Variants in SNCAIP observed in about 807,000 individuals in gnomAD.
SNCAIP encodes the protein synuclein alpha interacting protein, also known as synphilin-1.
In SNCAIP, 43 loss-of-function variants were observed where a neutral mutation model predicts 86.7. The ratio of observed to expected loss-of-function variants is 0.50; its 90% CI spans 0.39 to 0.64. The LOEUF (loss-of-function observed/expected upper bound fraction) is 0.64. SNCAIP is among the 30% of genes least tolerant of loss of function. The probability of loss-of-function intolerance (pLI) is 0.00; values close to 1 mark genes in which losing one functional copy is unlikely to be tolerated. For synonymous variants in SNCAIP, 417 were observed against 427.2 expected, an observed-to-expected ratio of 0.98 and a Z score of 0.29; for missense variants, 981 against 1,103.1, an observed-to-expected ratio of 0.89 and a Z score of 1.57.
intron 1 of SNCAIP, among the ~76,000 whole-genome samples, chr5:122,340,533 A>G (rs565105874): frequency 6.6e-5 from 10 of 152,334 alleles, no homozygotes; most frequent in African/African-American, 2.4e-4. Flanking sequence ...TTCATTAACA[A>G]TAGTAAGAAT....
intron 7 of SNCAIP, chr5:122,441,056 C>T: frequency 3.2e-6 from 1 of 312,334 alleles, no homozygotes; most frequent in South Asian, 3.8e-5. Context: ...CCCATGTTCT[C>T]AAGGCACCAG....
At chr5:122,446,774 G>A (rs1215560701) in intron 8 of SNCAIP, among the ~76,000 whole-genome samples, 2 of 152,204 alleles carry the variant, frequency 1.3e-5, no homozygotes, top group African/African-American at 2.4e-5. Context: ...GGACAGGAGA[G>A]AGGATGGAAA....
chr5:122,323,605 A>G (rs1753430830), intron 1 of SNCAIP, among the ~76,000 whole-genome samples: 1 of 152,242 alleles, frequency 6.6e-6, no homozygotes, highest in Non-Finnish European at 1.5e-5. Flanking sequence ...GGTCTTACCT[A>G]GAACTCCTGG....
Position 122,463,581 on chromosome 5 carries a change from T to A in SNCAIP, c.*85T>A, listed in dbSNP as rs1386761105. The A allele has an allele frequency of 6.6e-7, 1 of 1,524,348 alleles. No homozygotes were observed. Among genetic ancestry groups the A allele is most frequent in the African/African-American group, 1.4e-5 (1 of 72,768 alleles). 94.4% of individuals were successfully genotyped at this position (1,524,348 alleles called of 1,614,324 possible). ...CAAAAGAACTCTTCTTGTAAATCACTTTTTAAATTTTCTCTCACTGATGCC... is the reference window on the plus strand; with the variant it reads ...CAAAAGAACTCTTCTTGTAAATCACATTTTAAATTTTCTCTCACTGATGCC... On this transcript the variant is annotated 3_prime_UTR_variant, in exon 11 of 11. Coordinates refer to ENST00000261368, the MANE Select transcript of SNCAIP (RefSeq NM_005460.4).
At chr5:122,417,754 T>G (rs1338712461) in intron 3 of SNCAIP, among the ~76,000 whole-genome samples, 2 of 152,006 alleles carry the variant, frequency 1.3e-5, no homozygotes, top group Non-Finnish European at 2.9e-5. Context: ...TTTTATTCAT[T>G]CATCCATTCA....
In SNCAIP at chr5:122,344,375, G is replaced by C. The variant is rs183189238; in HGVS notation, c.-47+32091G>C. ...TTTTATTGAAGAAGGATGGCTTAAAGTATAATCATTCTACTTAATGGTTTT... is the reference window on the plus strand; with the variant it reads ...TTTTATTGAAGAAGGATGGCTTAAACTATAATCATTCTACTTAATGGTTTT... On this transcript the variant is annotated intron_variant, in intron 1 of 10. Coordinates refer to ENST00000261368, the MANE Select transcript of SNCAIP (RefSeq NM_005460.4). Among the ~76,000 whole-genome samples, 301 of 152,288 alleles carry C rather than the reference G, an allele frequency of 2.0e-3. 3 individuals are homozygous for C. Among genetic ancestry groups the C allele is most frequent in the African/African-American group, 7.0e-3 (292 of 41,566 alleles).
chr5:122,449,684 TTA>T, intron 8 of SNCAIP, among the ~76,000 whole-genome samples, 159 bp from the exon 9 acceptor site: 2 of 152,230 alleles, frequency 1.3e-5, no homozygotes, highest in African/African-American at 2.4e-5. Context: ...GATTGTTTCC[TTA>T]GGAAAATTTC....
At chr5:122,331,073 C>T (rs1755244391) in intron 1 of SNCAIP, among the ~76,000 whole-genome samples, 1 of 152,024 alleles carries the variant, frequency 6.6e-6, no homozygotes, top group South Asian at 2.1e-4. Context: ...CGGGAGGTGG[C>T]GCTTGGGAAG....
intron 1 of SNCAIP, among the ~76,000 whole-genome samples, chr5:122,362,566 A>G (rs1277113191): frequency 6.6e-6 from 1 of 152,228 alleles, no homozygotes; most frequent in Non-Finnish European, 1.5e-5. Context: ...TTCAAGGCTT[A>G]TCAGTAGAAA....
At chr5:122,341,794 A>G (rs192280466) in intron 1 of SNCAIP, among the ~76,000 whole-genome samples, 167 of 152,186 alleles carry the variant, frequency 1.1e-3, no homozygotes, top group Admixed American at 2.9e-3. Context: ...TACCCTGCAA[A>G]TGTTGGATAG....
intron 5 of SNCAIP, among the ~76,000 whole-genome samples, chr5:122,431,273 G>T (rs966090703): frequency 3.3e-5 from 5 of 152,058 alleles, no homozygotes; most frequent in African/African-American, 7.2e-5. Context: ...AGAAATAAAA[G>T]CATGTATTCA....
intron 2 of SNCAIP, among the ~76,000 whole-genome samples, chr5:122,397,194 C>T (rs1471474397): frequency 6.6e-6 from 1 of 152,082 alleles, no homozygotes; most frequent in Non-Finnish European, 1.5e-5. Flanking sequence ...GGTAGTCTGA[C>T]TCTAGAATCC....
intron 1 of SNCAIP, among the ~76,000 whole-genome samples, chr5:122,349,209 C>T (rs893713037): frequency 3.9e-5 from 6 of 152,130 alleles, no homozygotes; most frequent in African/African-American, 1.2e-4. Flanking sequence ...ATTTTTGGAA[C>T]GCGATGATCC....
chr5:122,373,367 G>A (rs2152798279), intron 1 of SNCAIP, among the ~76,000 whole-genome samples: 1 of 152,156 alleles, frequency 6.6e-6, no homozygotes, highest in African/African-American at 2.4e-5. Context: ...AACTGTTAGG[G>A]TGATATCAGT....
At chr5:122,448,671 T>TTTTATATATATA (rs1782974180) in intron 8 of SNCAIP, among the ~76,000 whole-genome samples, 6 of 96,166 alleles carry the variant, frequency 6.2e-5, no homozygotes, top group South Asian at 4.0e-4. Context: ...TTATATATAT[T>TTTTATATATATA]ATATATGTTA....
At chr5:122,377,731 T>G (rs575043513) in intron 1 of SNCAIP, among the ~76,000 whole-genome samples, 2 of 126,888 alleles carry the variant, frequency 1.6e-5, no homozygotes, top group African/African-American at 6.1e-5. Flanking sequence ...GATATTCCCC[T>G]TCCTGTGCCC....
intron 2 of SNCAIP, among the ~76,000 whole-genome samples, chr5:122,396,360 C>T (rs1224290472): frequency 6.6e-6 from 1 of 152,102 alleles, no homozygotes; most frequent in Non-Finnish European, 1.5e-5. Context: ...GGACTGGAGA[C>T]CTCTGCCAGA....
intron 1 of SNCAIP, among the ~76,000 whole-genome samples, chr5:122,372,717 T>A (rs1450102870): frequency 6.6e-6 from 1 of 152,174 alleles, no homozygotes; most frequent in Non-Finnish European, 1.5e-5. Context: ...TGTTTGAATG[T>A]TTCCTTCACC....
chr5:122,395,504 A>C (rs1770413343), intron 2 of SNCAIP, among the ~76,000 whole-genome samples: 1 of 152,180 alleles, frequency 6.6e-6, no homozygotes, highest in South Asian at 2.1e-4. Flanking sequence ...AGCCTTTGCA[A>C]CCTAGAGTAA....
Sources: allele counts gnomAD v4.1 joint callset (sites outside exome capture counted in the v4.1 genomes callset), GRCh38; gene constraint gnomAD v4.1.1; transcripts MANE v1.5; gene names NCBI Gene and HGNC (gene_info 2026-07-23, HGNC 2026-07-21).